Variants in SPATA16 observed in about 807,000 individuals in gnomAD.
SPATA16 encodes spermatogenesis-associated protein 16.
SPATA16 carries 36 observed loss-of-function variants against 63.3 expected under a neutral mutation model. The ratio of observed to expected loss-of-function variants is 0.57; its 90% CI spans 0.44 to 0.75. The LOEUF is 0.75. SPATA16 is among the 30% of genes least tolerant of loss of function. The probability of loss-of-function intolerance (pLI) is 0.00; values close to 1 mark genes in which losing one functional copy is unlikely to be tolerated. For missense variants in SPATA16, 646 were observed against 679.3 expected (o/e 0.95, Z 0.54); for synonymous variants, 203 against 216.7 (o/e 0.94, Z 0.56).
rs1395755502 is a variant in SPATA16, at chr3:173,049,018, A to G, written c.689T>C (p.Ile230Thr). 2 of 1,613,860 alleles carry G rather than the reference A, an allele frequency of 1.2e-6. No homozygotes were observed. The highest frequency in any genetic ancestry group is 2.2e-5 in the East Asian group (1 of 44,868). The change falls in exon 3 of 11, where the codon ATT becomes ACT. Residue 230 changes from isoleucine (I) to threonine (T), a missense_variant. Transcript: ENST00000351008. The part of the protein sequence containing the change: ...AEDIASVASF[I>T]ETKLVTCYLR... ...ATAACAGGTAACAAGCTTTGTCTCA[A>G]TGAAACTTGCCACGCTTGCTATATC...
intron 4 of SPATA16, among the ~76,000 whole-genome samples, chr3:173,009,884 G>A (rs548835282): frequency 1.3e-5 from 2 of 152,352 alleles, no homozygotes; most frequent in Admixed American, 6.5e-5. Flanking sequence ...CCTCAGTTAC[G>A]GAATTTCTTG....
chr3:172,901,176 A>G (rs1320673512), intron 10 of SPATA16, among the ~76,000 whole-genome samples: 2 of 152,060 alleles, frequency 1.3e-5, no homozygotes, highest in African/African-American at 4.8e-5. Context: ...AATCATTTTT[A>G]TAATGCCTGC....
At chr3:172,940,429 T>C (rs1301664618) in intron 6 of SPATA16, among the ~76,000 whole-genome samples, 1 of 152,174 alleles carries the variant, frequency 6.6e-6, no homozygotes, top group Non-Finnish European at 1.5e-5. Flanking sequence ...TGAGAAAATA[T>C]CCCAGAGATG....
chr3:172,922,836 C>T (rs1371263458), intron 8 of SPATA16, among the ~76,000 whole-genome samples: 3 of 152,146 alleles, frequency 2.0e-5, no homozygotes, highest in Non-Finnish European at 4.4e-5. Flanking sequence ...GCAGGAGAAT[C>T]ATTTGAACCC....
At position 172,976,876 on chromosome 3, in the gene SPATA16, C is replaced by T. The variant is rs926483553; in HGVS notation, c.933+92G>A. 9.1e-6 allele frequency: 9 copies of T among 992,372 alleles called. No homozygotes were observed. In the African/African-American group the frequency reaches 1.4e-4, roughly 16 times the overall value. 61.5% of individuals were successfully genotyped at this position (992,372 alleles called of 1,614,324 possible). ...TTTCTGATTGATATGCCCAGAGCTA[C>T]CTTTTTCTTCAGTCTTTTAAGCACC... On this transcript the variant is annotated intron_variant, in intron 5 of 10. Coordinates refer to ENST00000351008, the MANE Select transcript of SPATA16 (RefSeq NM_031955.6).
intron 4 of SPATA16, among the ~76,000 whole-genome samples, chr3:172,997,973 C>T (rs912074441): frequency 2.0e-5 from 3 of 152,018 alleles, no homozygotes; most frequent in East Asian, 1.9e-4. Context: ...AAGATAATGT[C>T]GGTTCTCTGA....
At chr3:173,095,569 C>A (rs1737332310) in intron 2 of SPATA16, among the ~76,000 whole-genome samples, 1 of 151,974 alleles carries the variant, frequency 6.6e-6, no homozygotes, top group African/African-American at 2.4e-5. Flanking sequence ...GAAATATATC[C>A]CTTCTATCAA....
At chr3:173,003,703 T>C (rs1196690504) in intron 4 of SPATA16, among the ~76,000 whole-genome samples, 1 of 152,202 alleles carries the variant, frequency 6.6e-6, no homozygotes, top group African/African-American at 2.4e-5. Flanking sequence ...ATACCAGTGT[T>C]TCACTCAATA....
chr3:173,016,620 A>G (rs981112183), intron 4 of SPATA16, among the ~76,000 whole-genome samples: 5 of 152,234 alleles, frequency 3.3e-5, no homozygotes, highest in Non-Finnish European at 1.5e-5. Context: ...GCTACAGGAA[A>G]TAACCTTGAT....
intron 4 of SPATA16, among the ~76,000 whole-genome samples, chr3:172,985,820 G>T (rs548093795): frequency 6.6e-6 from 1 of 152,240 alleles, no homozygotes; most frequent in East Asian, 1.9e-4. Context: ...AGGAAGAAAG[G>T]GGGGAAACGC....
chr3:173,114,173 C>A (rs1381905697), intron 2 of SPATA16, among the ~76,000 whole-genome samples: 1 of 136,484 alleles, frequency 7.3e-6, no homozygotes, highest in Non-Finnish European at 1.5e-5. Context: ...GAGCAAGACT[C>A]CATCTCAAAA....
intron 2 of SPATA16, among the ~76,000 whole-genome samples, chr3:173,104,820 C>G (rs1737582019): frequency 6.6e-6 from 1 of 152,170 alleles, no homozygotes; most frequent in Non-Finnish European, 1.5e-5. Context: ...CTTATTCCCT[C>G]TCTCTATGGA....
intron 3 of SPATA16, among the ~76,000 whole-genome samples, chr3:173,030,934 G>T (rs1735590339): frequency 6.6e-6 from 1 of 152,032 alleles, no homozygotes; most frequent in African/African-American, 2.4e-5. Context: ...GCTACAACAT[G>T]AATGCACTTC....
rs914497602 is a variant in SPATA16, at chr3:173,117,509, T to C, written c.223A>G (p.Asn75Asp). The C allele has an allele frequency of 6.2e-7, 1 of 1,614,184 alleles. No homozygotes were observed. The highest frequency in any genetic ancestry group is 1.1e-5 in the South Asian group (1 of 91,082). ...TTAAAGGCTGCTTTCTCTAAATCAT[T>C]GCTTTGTTTTTCTTTGATGCCCTTT... ...MTKGIKEKQS[N>D]DLEKAAFKRK... Residue 75 changes from asparagine (N) to aspartate (D), a missense_variant, in exon 2 of 11, where the codon AAT becomes GAT. Asn to Asp is a conservative substitution (Grantham distance 23, BLOSUM62 1). Transcript: ENST00000351008.
chr3:172,925,554 T>C (rs902185583), intron 6 of SPATA16, 62 bp from the exon 7 acceptor site: 89 of 1,604,464 alleles, frequency 5.5e-5, no homozygotes, highest in Middle Eastern at 1.7e-4. Context: ...TTTAGGGTTT[T>C]CCCCCCCAGA....
At chr3:172,958,598 C>T (rs1156305687) in intron 5 of SPATA16, among the ~76,000 whole-genome samples, 1 of 152,144 alleles carries the variant, frequency 6.6e-6, no homozygotes, top group African/African-American at 2.4e-5. Flanking sequence ...CCTAGGGTTG[C>T]TACAACAAAG....
chr3:172,998,613 G>A (rs1008490107), intron 4 of SPATA16, among the ~76,000 whole-genome samples: 1 of 152,058 alleles, frequency 6.6e-6, no homozygotes, highest in African/African-American at 2.4e-5. Flanking sequence ...GTCTTATTTT[G>A]CTTCTGATCT....
chr3:172,914,882 T>TAA (rs536870276), intron 9 of SPATA16, among the ~76,000 whole-genome samples: 5 of 147,200 alleles, frequency 3.4e-5, no homozygotes, highest in East Asian at 3.9e-4. Context: ...GTATTTCCAG[T>TAA]AAAAAAAAAA....
intron 5 of SPATA16, among the ~76,000 whole-genome samples, chr3:172,965,871 C>T (rs1041734663): frequency 3.9e-5 from 6 of 152,130 alleles, no homozygotes; most frequent in African/African-American, 7.2e-5. Context: ...CCACTGCGCC[C>T]GGCCTTTTCT....
Sources: gnomAD v4.1 joint callset for allele counts (sites outside exome capture counted in the v4.1 genomes callset) on GRCh38, gnomAD v4.1.1 for gene constraint, MANE v1.5 for transcripts, NCBI Gene and HGNC (gene_info 2026-07-23, HGNC 2026-07-21) for gene names.